The following ARHGEF4 variants were observed in gnomAD, a reference collection of about 807,000 sequenced individuals.
ARHGEF4 encodes Rho guanine nucleotide exchange factor 4, also known as APC-stimulated guanine nucleotide exchange factor 1.
A neutral mutation model predicts 162.0 loss-of-function variants in ARHGEF4; 119 were observed. The observed-to-expected ratio is 0.73, with a 90% CI of 0.63 to 0.86. The LOEUF is 0.86. Among genes scored for constraint, ARHGEF4 ranks in the 40% least tolerant of loss-of-function variants. The pLI is 0.00. For missense variants in ARHGEF4, 2,488 were observed against 2,456.0 expected (o/e 1.01, Z -0.28); for synonymous variants, 1,014 against 979.9 (o/e 1.03, Z -0.65).
rs188949097 is a variant in ARHGEF4 at position 130,949,528 on chromosome 2, T to C, written c.3985+2893T>C. On this transcript the variant is annotated intron_variant, in intron 4 of 13. Transcript: ENST00000409359. ...GCCACCACGCCTGGCTAATTTTTTC[T>C]ATTTTTTAGTAGAGACAGGGTTTCA... Among the ~76,000 whole-genome samples, 93 of 152,030 alleles carry C rather than the reference T, an allele frequency of 6.1e-4. 1 individual carries two copies. The highest frequency in any genetic ancestry group is 4.7e-3 in the Admixed American group (71 of 15,262).
intron 1 of ARHGEF4, among the ~76,000 whole-genome samples, chr2:130,892,368 T>A (rs1247069777): frequency 1.3e-5 from 2 of 152,160 alleles, no homozygotes; most frequent in African/African-American, 4.8e-5. Context: ...TACCTGTAGT[T>A]AGCATCACAT....
intron 1 of ARHGEF4, among the ~76,000 whole-genome samples, chr2:130,857,149 A>C (rs368730511): frequency 2.0e-5 from 3 of 152,120 alleles, no homozygotes; most frequent in Admixed American, 2.0e-4. Flanking sequence ...GAAGAATGGC[A>C]TGAACCCGGG....
chr2:130,846,302 C>T (rs942128864), intron 1 of ARHGEF4, among the ~76,000 whole-genome samples: 1 of 152,232 alleles, frequency 6.6e-6, no homozygotes, highest in Admixed American at 6.5e-5. Context: ...CCTGGGGTGA[C>T]TGGTCATCTG....
chr2:130,927,809 A>G (rs1682384484), intron 2 of ARHGEF4, among the ~76,000 whole-genome samples: 1 of 152,110 alleles, frequency 6.6e-6, no homozygotes, highest in South Asian at 2.1e-4. Context: ...TTGTTTTCGT[A>G]TCTTTGTTTT....
At chr2:130,868,621 G>A (rs1682468216) in intron 1 of ARHGEF4, among the ~76,000 whole-genome samples, 1 of 152,166 alleles carries the variant, frequency 6.6e-6, no homozygotes, top group Non-Finnish European at 1.5e-5. Context: ...GGAGAGGCCA[G>A]GTCAGGCAGG....
At chr2:130,981,557 G>A (rs534814572) in intron 4 of ARHGEF4, among the ~76,000 whole-genome samples, 2 of 151,976 alleles carry the variant, frequency 1.3e-5, no homozygotes, top group Non-Finnish European at 2.9e-5. Flanking sequence ...TACTCAGGAG[G>A]CTGAGGCAGG....
intron 1 of ARHGEF4, among the ~76,000 whole-genome samples, chr2:130,902,112 A>C (rs1260346823): frequency 6.6e-6 from 1 of 152,150 alleles, no homozygotes; most frequent in Non-Finnish European, 1.5e-5. Context: ...TTCTCTTGGA[A>C]ATTTTAAGTA....
Position 130,931,161 on chromosome 2 carries a change from C to T in ARHGEF4, c.3762C>T (p.Asp1254=). ...IPHRSPVSVD[D]LWLEKTQRKK... is the part of the protein sequence containing the mutation. ...ACCGCTCGCCCGTCAGTGTGGATGACCTGTGGCTGGAGAAGACACAGAGAA... is the reference window on the plus strand; with the variant it reads ...ACCGCTCGCCCGTCAGTGTGGATGATCTGTGGCTGGAGAAGACACAGAGAA... Residue 1254 remains aspartate (D), a synonymous_variant, in exon 3 of 14, where the codon GAC becomes GAT. Transcript: ENST00000409359. 1.2e-6 allele frequency: 2 copies of T among 1,614,182 alleles called. No individual in the cohort carries two copies. The highest frequency in any genetic ancestry group is 2.2e-5 in the East Asian group (1 of 44,878).
At chr2:131,014,314 T>C (rs1688644957) in intron 4 of ARHGEF4, among the ~76,000 whole-genome samples, 2 of 152,210 alleles carry the variant, frequency 1.3e-5, no homozygotes, top group Admixed American at 1.3e-4. Flanking sequence ...CTACCATGTG[T>C]CAGAAACCAT....
At chr2:130,894,115 G>T (rs1385039479) in intron 1 of ARHGEF4, among the ~76,000 whole-genome samples, 1 of 152,214 alleles carries the variant, frequency 6.6e-6, no homozygotes, top group Non-Finnish European at 1.5e-5. Context: ...TGAGTCTGTG[G>T]GTTTCACGTG....
Position 130,916,119 on chromosome 2 carries a change from G to T in ARHGEF4, c.2173G>T (p.Glu725Ter). Reference sequence around the variant, plus strand: ...GCTGGTCCCCCAAGCTGCTTCGGAAGAGACGCCGAGCACAGAGGAGCCCCC... The same window carrying T: ...GCTGGTCCCCCAAGCTGCTTCGGAATAGACGCCGAGCACAGAGGAGCCCCC... The part of the protein sequence containing the change: ...RVLVPQAASE[E>*]TPSTEEPPGE... Residue 725 changes from glutamate to a stop codon, truncating the protein, a stop_gained, in exon 2 of 14, where the codon GAG becomes TAG. Coordinates refer to ENST00000409359, the MANE Select transcript of ARHGEF4 (RefSeq NM_001367493.1). LOFTEE classifies it high-confidence loss of function. 1 of 1,549,898 alleles carries T rather than the reference G, an allele frequency of 6.5e-7. No individual in the cohort carries two copies.
chr2:131,017,581 T>C (rs954406861), intron 4 of ARHGEF4, among the ~76,000 whole-genome samples: 6 of 152,118 alleles, frequency 3.9e-5, no homozygotes, highest in African/African-American at 1.4e-4. Context: ...CCAAGAAAAG[T>C]AGTGACTCCT....
Position 130,917,060 on chromosome 2 carries a change from C to A in ARHGEF4, c.3114C>A (p.Gly1038=). 1.9e-6 allele frequency: 3 copies of A among 1,550,814 alleles called. No individual in the cohort carries two copies. The highest frequency in any genetic ancestry group is 2.4e-5 in the East Asian group (1 of 40,898). The change falls in exon 2 of 14, where the codon GGC becomes GGA. Residue 1038 remains glycine (G), a synonymous_variant. Transcript: ENST00000409359. ...PTIKCTATQE[G]GRYLPSGIFP... Reference sequence around the variant, plus strand: ...TCAAGTGCACAGCCACCCAGGAAGGCGGTAGGTACCTACCTTCAGGTATCT... The same window carrying A: ...TCAAGTGCACAGCCACCCAGGAAGGAGGTAGGTACCTACCTTCAGGTATCT...
At chr2:130,866,939 G>A (rs753019425) in intron 1 of ARHGEF4, among the ~76,000 whole-genome samples, 3 of 152,134 alleles carry the variant, frequency 2.0e-5, no homozygotes, top group South Asian at 2.1e-4. Flanking sequence ...GCAAATAAAC[G>A]GTATCATTTG....
At chr2:131,009,275 T>C (rs1202923488) in intron 4 of ARHGEF4, among the ~76,000 whole-genome samples, 1 of 152,246 alleles carries the variant, frequency 6.6e-6, no homozygotes, top group Non-Finnish European at 1.5e-5. Flanking sequence ...AGTTTTTTTC[T>C]TTCAGCAATT....
intron 1 of ARHGEF4, among the ~76,000 whole-genome samples, chr2:130,902,809 C>G (rs768718598): frequency 6.6e-6 from 1 of 152,188 alleles, no homozygotes; most frequent in Non-Finnish European, 1.5e-5. Flanking sequence ...CTAAATACTT[C>G]CTCTACATAT....
chr2:130,890,458 A>T (rs1679795575), intron 1 of ARHGEF4, among the ~76,000 whole-genome samples: 1 of 152,020 alleles, frequency 6.6e-6, no homozygotes. Flanking sequence ...GGTACTTGGG[A>T]GGCTGAGGCA....
chr2:131,018,459 T>G (rs1688897952), intron 4 of ARHGEF4, among the ~76,000 whole-genome samples: 1 of 152,248 alleles, frequency 6.6e-6, no homozygotes, highest in Non-Finnish European at 1.5e-5. Flanking sequence ...GTTTTGTTTT[T>G]TGAGTTGTGG....
chr2:131,024,681 A>G (rs7561108), intron 4 of ARHGEF4, among the ~76,000 whole-genome samples: 128,143 of 152,236 alleles, frequency 0.84, 56,672 homozygotes, highest in Non-Finnish European at 0.98. Context: ...TTTTTAAAGA[A>G]AGAGAGATGG....
Sources: gnomAD v4.1 joint callset for allele counts (sites outside exome capture counted in the v4.1 genomes callset) on GRCh38, gnomAD v4.1.1 for gene constraint, MANE v1.5 for transcripts, NCBI Gene and HGNC (gene_info 2026-07-23, HGNC 2026-07-21) for gene names.